Variants in EPHB1 observed in about 807,000 individuals in gnomAD.
The protein encoded by EPHB1 is ephrin type-B receptor 1.
Under a neutral mutation model 94.4 loss-of-function variants are expected in EPHB1, and 30 were observed. That is an observed-to-expected ratio of 0.32 (90% CI 0.24 to 0.43). EPHB1 has a LOEUF of 0.43. Ranked by LOEUF, EPHB1 falls within the 20% of genes least tolerant of loss-of-function variation. The probability of loss-of-function intolerance (pLI) is 1.00; values close to 1 mark genes in which losing one functional copy is unlikely to be tolerated. For missense variants in EPHB1, 1,055 were observed against 1,308.3 expected, an observed-to-expected ratio of 0.81 and a Z score of 2.99; for synonymous variants, 522 against 489.1, an observed-to-expected ratio of 1.07 and a Z score of -0.89.
At position 135,166,042 on chromosome 3, in the gene EPHB1, G is replaced by A. The variant is rs536013299; in HGVS notation, c.1660G>A (p.Val554Met). The part of the protein sequence containing the change: ...GSAAAGVVFV[V>M]SLVAISIVCS... ...GGCAGCGGCCGGGGTCGTGTTCGTTGTGTCCTTGGTGGCCATCTCTATCGT... is the reference window on the plus strand; with the variant it reads ...GGCAGCGGCCGGGGTCGTGTTCGTTATGTCCTTGGTGGCCATCTCTATCGT... Residue 554 changes from valine to methionine, a missense_variant, in exon 8 of 16, where the codon GTG becomes ATG. Physicochemically the swap from Val to Met is conservative, Grantham distance 21. Coordinates refer to ENST00000398015, the MANE Select transcript of EPHB1 (RefSeq NM_004441.5). 3 of 1,613,870 alleles carry A rather than the reference G, an allele frequency of 1.9e-6. No individual in the cohort carries two copies. In the South Asian group the frequency reaches 3.3e-5, roughly 18 times the overall value.
intron 3 of EPHB1, among the ~76,000 whole-genome samples, chr3:134,998,128 C>T (rs1935054401): frequency 6.6e-6 from 1 of 152,202 alleles, no homozygotes; most frequent in African/African-American, 2.4e-5. Context: ...AGATCTAAAG[C>T]ATCTGGTTCT....
chr3:134,829,363 C>G (rs747798592), intron 1 of EPHB1, among the ~76,000 whole-genome samples: 3 of 152,060 alleles, frequency 2.0e-5, no homozygotes, highest in African/African-American at 4.8e-5. Flanking sequence ...GAGTGGAGGA[C>G]TCTCTTTGTC....
At chr3:134,881,419 C>T (rs1227043671) in intron 1 of EPHB1, among the ~76,000 whole-genome samples, 1 of 152,088 alleles carries the variant, frequency 6.6e-6, no homozygotes, top group Non-Finnish European at 1.5e-5. Context: ...AAAATGCAGA[C>T]CCCAGGCTGA....
At chr3:134,935,403 T>C (rs2038981944) in intron 2 of EPHB1, among the ~76,000 whole-genome samples, 2 of 152,168 alleles carry the variant, frequency 1.3e-5, no homozygotes, top group Non-Finnish European at 1.5e-5. Context: ...TTACTTCCAG[T>C]TATGGGCAAA....
intron 1 of EPHB1, among the ~76,000 whole-genome samples, chr3:134,907,603 A>G (rs563233865): frequency 6.6e-6 from 1 of 152,286 alleles, no homozygotes; most frequent in Admixed American, 6.5e-5. Flanking sequence ...CATTACATAC[A>G]TTAGATTAAC....
intron 12 of EPHB1, among the ~76,000 whole-genome samples, chr3:135,227,937 A>C (rs78147413): frequency 6.6e-6 from 1 of 152,136 alleles, no homozygotes; most frequent in East Asian, 1.9e-4. Flanking sequence ...CGTTACATAC[A>C]TCATCGCTCT....
intron 1 of EPHB1, among the ~76,000 whole-genome samples, chr3:134,806,226 G>A (rs1457482116): frequency 6.6e-6 from 1 of 152,178 alleles, no homozygotes; most frequent in Non-Finnish European, 1.5e-5. Flanking sequence ...AATGGAATAT[G>A]GCAGAAGTGT....
chr3:135,151,456 C>T (rs769348112), intron 5 of EPHB1, among the ~76,000 whole-genome samples: 8 of 152,184 alleles, frequency 5.3e-5, no homozygotes, highest in Non-Finnish European at 1.2e-4. Context: ...CTTCCCTGAT[C>T]ACACACCTCT....
At chr3:134,947,815 GAC>G (rs1238351875) in intron 2 of EPHB1, among the ~76,000 whole-genome samples, 1 of 152,028 alleles carries the variant, frequency 6.6e-6, no homozygotes, top group Admixed American at 6.5e-5. Flanking sequence ...ATTTTTTTGA[GAC>G]AGAGTCTTGC....
At chr3:134,888,296 C>A (rs571977136) in intron 1 of EPHB1, among the ~76,000 whole-genome samples, 1 of 152,196 alleles carries the variant, frequency 6.6e-6, no homozygotes. Flanking sequence ...CCTGGAAGGT[C>A]TCTTCTGTGA....
rs907101491 is a variant in EPHB1, at chr3:134,951,151, T to G, written c.124-220T>G. 5.3e-5 allele frequency among the ~76,000 whole-genome samples: 8 copies of G among 152,184 alleles called. No homozygotes were observed. The highest frequency in any genetic ancestry group is 7.2e-5 in the African/African-American group (3 of 41,440). ...GGACAGCTTTCTTGAATGAAGTGTG[T>G]TATATTTTGGGATGGGCTGCAAAAA... On this transcript the variant is annotated intron_variant, in intron 2 of 15. Transcript: ENST00000398015. This position sits in a 1 kb window ranked among gnomAD's most constrained non-coding sequence, Gnocchi z 4.5.
chr3:135,033,464 C>T (rs1936549547), intron 3 of EPHB1, among the ~76,000 whole-genome samples: 1 of 152,182 alleles, frequency 6.6e-6, no homozygotes, highest in Non-Finnish European at 1.5e-5. Context: ...TCTCAAACCT[C>T]CTGACTCTAA....
chr3:134,885,754 G>A (rs536656029), intron 1 of EPHB1, among the ~76,000 whole-genome samples: 2 of 152,332 alleles, frequency 1.3e-5, no homozygotes, highest in African/African-American at 4.8e-5. Context: ...GACTCTGGTG[G>A]AGGAGAGAAC....
At chr3:134,910,053 C>T (rs1316974801) in intron 1 of EPHB1, among the ~76,000 whole-genome samples, 3 of 152,216 alleles carry the variant, frequency 2.0e-5, no homozygotes, top group Non-Finnish European at 4.4e-5. Flanking sequence ...GGCCTCTCTT[C>T]AGTCTCAGTT....
At chr3:135,232,960 A>G (rs1221012172) in intron 12 of EPHB1, among the ~76,000 whole-genome samples, 1 of 152,124 alleles carries the variant, frequency 6.6e-6, no homozygotes, top group Non-Finnish European at 1.5e-5. Context: ...TGATTAAATT[A>G]CCTCCCACTG....
intron 9 of EPHB1, among the ~76,000 whole-genome samples, chr3:135,174,725 A>G (rs1941926100): frequency 6.6e-6 from 1 of 152,224 alleles, no homozygotes; most frequent in Non-Finnish European, 1.5e-5. Flanking sequence ...CTGTATGTAA[A>G]GATCTCCAAA....
At chr3:134,897,703 C>T (rs1220466763) in intron 1 of EPHB1, among the ~76,000 whole-genome samples, 1 of 152,158 alleles carries the variant, frequency 6.6e-6, no homozygotes, top group African/African-American at 2.4e-5. Flanking sequence ...CCCTTTGGGG[C>T]CTTTATTCCT....
rs1370605050 is a variant in EPHB1, at chr3:135,259,325, C to A, written c.*205C>A. On this transcript the variant is annotated 3_prime_UTR_variant, in exon 16 of 16. Coordinates refer to ENST00000398015, the MANE Select transcript of EPHB1 (RefSeq NM_004441.5). ...AGCATGTTTGAGATGCCGTGGGAAA[C>A]CAAATATATAATAATAAAAATATAA... is the stretch of plus-strand genomic sequence containing the variant. The A allele has an allele frequency of 4.8e-6, 2 of 414,824 alleles. No individual in the cohort carries two copies. The highest frequency in any genetic ancestry group is 2.0e-5 in the African/African-American group (1 of 49,438). 25.7% of individuals were successfully genotyped at this position (414,824 alleles called of 1,614,324 possible). A position where few individuals can be genotyped will look rare whatever the true frequency, so the allele number is the denominator to read the frequency against.
chr3:135,019,978 G>C (rs1430851056), intron 3 of EPHB1, among the ~76,000 whole-genome samples: 2 of 152,230 alleles, frequency 1.3e-5, no homozygotes, highest in Admixed American at 1.3e-4. Flanking sequence ...TTGGTCTCCA[G>C]ATGCAGGCTT....
Sources: gnomAD v4.1 joint callset for allele counts (sites outside exome capture counted in the v4.1 genomes callset) on GRCh38, gnomAD v4.1.1 for gene constraint, Gnocchi (gnomAD v3.1) non-coding constraint, MANE v1.5 for transcripts, NCBI Gene and HGNC (gene_info 2026-07-23, HGNC 2026-07-21) for gene names.